Variants in DSCAML1 observed in about 807,000 individuals in gnomAD.
DSCAML1 encodes the protein DS cell adhesion molecule like 1.
A neutral mutation model predicts 200.5 loss-of-function variants in DSCAML1; 38 were observed. The ratio of observed to expected loss-of-function variants is 0.19; its 90% CI spans 0.15 to 0.25. The LOEUF is 0.25. DSCAML1 is among the 10% of genes least tolerant of loss of function. The pLI, the probability that DSCAML1 is intolerant of heterozygous loss-of-function variation, is 1.00. For synonymous variants in DSCAML1, 1,215 were observed against 1,165.0 expected (o/e 1.04, Z -0.87); for missense variants, 2,223 against 2,858.8 (o/e 0.78, Z 5.07).
intron 16 of DSCAML1, among the ~76,000 whole-genome samples, chr11:117,467,198 C>CA (rs2048599334): frequency 7.5e-6 from 1 of 132,570 alleles, no homozygotes; most frequent in African/African-American, 3.1e-5. Context: ...CACACACCTC[C>CA]CCCCTCCCCC....
rs1004304812 is a variant in DSCAML1 at position 117,526,326 on chromosome 11, C to T, written c.659-1243G>A. 6.6e-5 allele frequency among the ~76,000 whole-genome samples: 10 copies of T among 152,304 alleles called. No individual in the cohort carries two copies. The South Asian group carries it at 1.5e-3, about 22-fold the overall frequency. The stretch of plus-strand genomic sequence containing the variant: ...TGTCCCCTGTCTCCATGGAAGCCTG[C>T]GGTGGTGTGCTGGGTCACCTGGGTC... On this transcript the variant is annotated intron_variant, in intron 4 of 32. Coordinates refer to ENST00000651296, the MANE Select transcript of DSCAML1 (RefSeq NM_020693.4).
intron 3 of DSCAML1, among the ~76,000 whole-genome samples, chr11:117,559,736 G>A (rs2050626479): frequency 6.6e-6 from 1 of 152,136 alleles, no homozygotes; most frequent in African/African-American, 2.4e-5. Flanking sequence ...AGGTGTCCCT[G>A]GGCTGAAGAA....
intron 3 of DSCAML1, among the ~76,000 whole-genome samples, chr11:117,679,532 G>C (rs934026731): frequency 1.3e-5 from 2 of 152,124 alleles, no homozygotes; most frequent in Non-Finnish European, 1.5e-5. Flanking sequence ...GGCCATACCC[G>C]GTACCCCAGC....
intron 3 of DSCAML1, among the ~76,000 whole-genome samples, chr11:117,701,845 C>T (rs1219284027): frequency 6.6e-6 from 1 of 152,178 alleles, no homozygotes; most frequent in Non-Finnish European, 1.5e-5. Flanking sequence ...GGGATGTCAT[C>T]CCCGCGCTCA....
chr11:117,588,506 G>A (rs765780399), intron 3 of DSCAML1, among the ~76,000 whole-genome samples: 6 of 152,266 alleles, frequency 3.9e-5, no homozygotes, highest in East Asian at 1.9e-4. Context: ...CCCCTGAGCC[G>A]GTGCATTGAG....
upstream of DSCAML1, chr11:117,797,345 G>C: frequency 8.6e-7 from 1 of 1,166,868 alleles, no homozygotes; most frequent in South Asian, 2.5e-5. Context: ...GAGCCCAGAC[G>C]GACCCCAGCC....
chr11:117,746,672 C>A (rs949246044), intron 3 of DSCAML1, among the ~76,000 whole-genome samples: 6 of 152,174 alleles, frequency 3.9e-5, no homozygotes, highest in African/African-American at 1.4e-4. Flanking sequence ...TACTGGCAAC[C>A]TGGGACGACA....
At chr11:117,574,942 G>C (rs1487970152) in intron 3 of DSCAML1, among the ~76,000 whole-genome samples, 1 of 152,154 alleles carries the variant, frequency 6.6e-6, no homozygotes, top group Non-Finnish European at 1.5e-5. Flanking sequence ...TGTAATCCCA[G>C]CACTTTGGGA....
rs1259803980 is a variant in DSCAML1, at chr11:117,765,471, CCT to C, written c.511+11318_511+11319del. Among the ~76,000 whole-genome samples, 5 of 152,258 alleles carry C rather than the reference CCT, an allele frequency of 3.3e-5. No homozygotes were observed. In the East Asian group the frequency reaches 7.7e-4, roughly 24 times the overall value. On this transcript the variant is annotated intron_variant, in intron 3 of 32. Transcript: ENST00000651296. ...CCTGAAGGTCCCATGAGCCTGTGAC[CCT>C]CTGTGTAAGAGCAGCAGTGTCTGCC...
chr11:117,733,884 G>A (rs1171435294), intron 3 of DSCAML1, among the ~76,000 whole-genome samples: 1 of 151,576 alleles, frequency 6.6e-6, no homozygotes, highest in Non-Finnish European at 1.5e-5. Flanking sequence ...TGTCTTCTGG[G>A]GTACCGTCTG....
intron 3 of DSCAML1, among the ~76,000 whole-genome samples, chr11:117,634,172 T>C (rs1001904868): frequency 3.3e-5 from 5 of 152,138 alleles, no homozygotes; most frequent in Non-Finnish European, 7.4e-5. Context: ...GGGAGAGGGA[T>C]GATTCAGTTC....
At chr11:117,449,380 A>G (rs547205616) in intron 20 of DSCAML1, among the ~76,000 whole-genome samples, 111 of 152,250 alleles carry the variant, frequency 7.3e-4, no homozygotes, top group Non-Finnish European at 1.4e-3. Flanking sequence ...GGGGGGCCGC[A>G]GTCAGTGGGC....
chr11:117,444,443 A>G (rs950955648), intron 20 of DSCAML1, among the ~76,000 whole-genome samples: 6 of 152,120 alleles, frequency 3.9e-5, no homozygotes, highest in Non-Finnish European at 7.4e-5. Context: ...CCTCTGCCTG[A>G]TGAGGGTTGG....
chr11:117,584,317 C>G (rs570147751), intron 3 of DSCAML1, among the ~76,000 whole-genome samples: 1 of 152,258 alleles, frequency 6.6e-6, no homozygotes, highest in East Asian at 1.9e-4. Context: ...TCCACCCAGC[C>G]CCACCACCGG....
intron 3 of DSCAML1, among the ~76,000 whole-genome samples, chr11:117,537,774 G>A (rs955933033): frequency 1.3e-5 from 2 of 152,230 alleles, no homozygotes; most frequent in Non-Finnish European, 2.9e-5. Flanking sequence ...GAGGATGCAC[G>A]TAACAGCAAC....
intron 11 of DSCAML1, among the ~76,000 whole-genome samples, chr11:117,493,464 G>A (rs1313852614): frequency 4.0e-5 from 6 of 151,542 alleles, no homozygotes; most frequent in African/African-American, 1.2e-4. Flanking sequence ...CTACAGGGGT[G>A]CGCCATCATG....
intron 3 of DSCAML1, among the ~76,000 whole-genome samples, chr11:117,684,821 T>C (rs2053377896): frequency 6.6e-6 from 1 of 152,266 alleles, no homozygotes; most frequent in Non-Finnish European, 1.5e-5. Flanking sequence ...CTTTGCCCAG[T>C]GCTCAGATCT....
Position 117,765,364 on chromosome 11 carries a change from G to C in DSCAML1, c.511+11427C>G, listed in dbSNP as rs138937319. Among the ~76,000 whole-genome samples the C allele has an allele frequency of 3.3e-5, 5 of 152,332 alleles. No homozygotes were observed. In the South Asian group the frequency reaches 8.3e-4, roughly 25 times the overall value. On this transcript the variant is annotated intron_variant, in intron 3 of 32. Transcript: ENST00000651296. ...TGGGAGGCTTGGGCTTTGGCCTTAG[G>C]GGGTAACATTAAGGGCGTCCCTGCC...
chr11:117,592,811 C>T (rs913706511), intron 3 of DSCAML1, among the ~76,000 whole-genome samples: 2 of 152,234 alleles, frequency 1.3e-5, no homozygotes, highest in East Asian at 1.9e-4. Flanking sequence ...GGGTGCAGAC[C>T]TGGCACCCGG....
Sources: gnomAD v4.1 joint callset for allele counts (sites outside exome capture counted in the v4.1 genomes callset) on GRCh38, gnomAD v4.1.1 for gene constraint, MANE v1.5 for transcripts, NCBI Gene and HGNC (gene_info 2026-07-23, HGNC 2026-07-21) for gene names.